The following FNDC1 variants were observed in gnomAD, a reference collection of about 807,000 sequenced individuals.
FNDC1 encodes fibronectin type III domain containing 1.
FNDC1 carries 96 observed loss-of-function variants against 168.0 expected under a neutral mutation model. The ratio of observed to expected loss-of-function variants is 0.57; its 90% CI spans 0.48 to 0.68. The LOEUF (loss-of-function observed/expected upper bound fraction) is 0.68. Among genes scored for constraint, FNDC1 ranks in the 30% least tolerant of loss-of-function variants. The pLI is 0.00. For missense variants in FNDC1, 2,587 were observed against 2,482.1 expected, an observed-to-expected ratio of 1.04 and a Z score of -0.90; for synonymous variants, 1,099 against 1,025.9, an observed-to-expected ratio of 1.07 and a Z score of -1.36.
chr6:159,271,709 C>A lies in FNDC1; in HGVS notation c.*267C>A, dbSNP rs967822364. On this transcript the variant is annotated 3_prime_UTR_variant, in exon 23 of 23. Coordinates refer to ENST00000297267, the MANE Select transcript of FNDC1 (RefSeq NM_032532.3). ...TTGTAATAGCACATCCCAGAGACAT[C>A]AGAAACCAGCAACTGATTCAGTGTG... The A allele has an allele frequency of 6.6e-5, 20 of 303,572 alleles. No individual in the cohort carries two copies. The highest frequency in any genetic ancestry group is 4.1e-4 in the African/African-American group (19 of 45,974). 18.8% of individuals were successfully genotyped at this position (303,572 alleles called of 1,614,324 possible). A position where few individuals can be genotyped will look rare whatever the true frequency, so the allele number is the denominator to read the frequency against.
intron 1 of FNDC1, among the ~76,000 whole-genome samples, chr6:159,193,380 T>A (rs143938287): frequency 6.6e-6 from 1 of 152,186 alleles, no homozygotes; most frequent in Admixed American, 6.5e-5. Flanking sequence ...CTTGTGAGCA[T>A]TTCATGGTCT....
intron 22 of FNDC1, 143 bp downstream of exon 22, chr6:159,268,069 A>C: frequency 1.1e-6 from 1 of 891,448 alleles, no homozygotes; most frequent in Admixed American, 2.8e-5. Flanking sequence ...AAAATAAATA[A>C]AATAAAGAAT....
At chr6:159,171,358 C>T (rs1286275360) in intron 1 of FNDC1, among the ~76,000 whole-genome samples, 1 of 152,176 alleles carries the variant, frequency 6.6e-6, no homozygotes, top group African/African-American at 2.4e-5. Flanking sequence ...GACATAGCAA[C>T]CTGTAGATAG....
In FNDC1 at chr6:159,251,500, G is replaced by T; in HGVS notation, c.5033G>T (p.Trp1678Leu). 1 of 1,613,854 alleles carries T rather than the reference G, an allele frequency of 6.2e-7. No individual in the cohort carries two copies. Among genetic ancestry groups the T allele is most frequent in the Non-Finnish European group, 8.5e-7 (1 of 1,179,854 alleles). Residue 1678 changes from tryptophan to leucine, a missense_variant, in exon 17 of 23, where the codon TGG becomes TTG. Transcript: ENST00000297267. ...TGCCACTCATTTGTCATTGTGGACT[G>T]GGACAAAGCCACCCCAGGAGATGTG... is the stretch of plus-strand genomic sequence containing the variant. Reference protein sequence around the residue: ...EGCHSFVIVDWDKATPGDVVT... With the variant: ...EGCHSFVIVDLDKATPGDVVT...
At chr6:159,251,598 G>C in intron 17 of FNDC1, 66 bp downstream of exon 17, 1 of 1,397,542 alleles carries the variant, frequency 7.2e-7, no homozygotes, top group Non-Finnish European at 9.9e-7. Flanking sequence ...AATAAAGAAT[G>C]GTGGATGAGT....
At chr6:159,262,681 T>C (rs538181581) in intron 19 of FNDC1, among the ~76,000 whole-genome samples, 1 of 152,356 alleles carries the variant, frequency 6.6e-6, no homozygotes, top group East Asian at 1.9e-4. Flanking sequence ...ACGTAACTTC[T>C]GGAGCTGCAA....
chr6:159,169,926 G>A lies in FNDC1; in HGVS notation c.109+221G>A. 1 of 222,204 alleles carries A rather than the reference G, an allele frequency of 4.5e-6. No individual in the cohort carries two copies. Among genetic ancestry groups the A allele is most frequent in the Non-Finnish European group, 8.7e-6 (1 of 115,230 alleles). 13.8% of individuals were successfully genotyped at this position (222,204 alleles called of 1,614,324 possible). ...CGCGCTGGCGTTTAACTTTGCCGTC[G>A]CCCGCCTTGGAGTCGGGAGGCTCCA... On this transcript the variant is annotated intron_variant, in intron 1 of 22. Transcript: ENST00000297267. This position sits in a 1 kb window ranked among gnomAD's most constrained non-coding sequence, Gnocchi z 6.8.
In FNDC1 at chr6:159,205,812, A is replaced by AT. The variant is rs890742164; in HGVS notation, c.460+5239dup. ...ATACTGAACAAATGGCTGTTTTCCT[A>AT]TTTTTTTTACCCTACTTTGAATGTT... On this transcript the variant is annotated intron_variant, in intron 4 of 22. Coordinates refer to ENST00000297267, the MANE Select transcript of FNDC1 (RefSeq NM_032532.3). Among the ~76,000 whole-genome samples, 41 of 152,094 alleles carry AT rather than the reference A, an allele frequency of 2.7e-4. 2 individuals are homozygous for AT. The highest frequency in any genetic ancestry group is 5.8e-4 in the East Asian group (3 of 5,184).
In FNDC1 at chr6:159,232,344, G is replaced by C; in HGVS notation, c.1832G>C (p.Gly611Ala). ...TCCCTGGCCACGCAGCCCCGCCCAGGGGCGCCCCCCTCGGCTTCGGCCTCT... is the reference window on the plus strand; with the variant it reads ...TCCCTGGCCACGCAGCCCCGCCCAGCGGCGCCCCCCTCGGCTTCGGCCTCT... ...GFSLATQPRP[G>A]APPSASASPA... is the part of the protein sequence containing the mutation. Residue 611 changes from glycine to alanine, a missense_variant, in exon 11 of 23, where the codon GGG becomes GCG. Gly to Ala is a moderately conservative substitution (Grantham distance 60). Transcript: ENST00000297267. This position sits in a 1 kb window ranked among gnomAD's most constrained non-coding sequence, Gnocchi z 4.9. 1 of 1,613,542 alleles carries C rather than the reference G, an allele frequency of 6.2e-7. No homozygotes were observed. The highest frequency in any genetic ancestry group is 2.2e-5 in the East Asian group (1 of 44,852).
intron 14 of FNDC1, 67 bp downstream of exon 14, chr6:159,240,024 G>A: frequency 7.2e-7 from 1 of 1,392,964 alleles, no homozygotes; most frequent in Non-Finnish European, 9.5e-7. Context: ...TCAGAGCAGG[G>A]TGGCAGAGCC....
chr6:159,233,918 G>C lies in FNDC1; in HGVS notation c.3406G>C (p.Ala1136Pro). The change falls in exon 11 of 23, where the codon GCC (alanine) becomes CCC (proline). Residue 1136 changes from alanine (A) to proline (P), a missense_variant. Ala to Pro is a conservative substitution (Grantham distance 27). Transcript: ENST00000297267. The surrounding 1 kb of genome is among the most constrained non-coding windows in gnomAD (Gnocchi z 4.6). ...RSQRGHAASPARPSRPGGPQS... is the reference protein window; with the variant it reads ...RSQRGHAASPPRPSRPGGPQS... The stretch of plus-strand genomic sequence containing the variant: ...CCAGCGCGGACATGCGGCCTCCCCC[G>C]CCAGGCCCAGCCGACCCGGCGGCCC... The C allele has an allele frequency of 6.5e-7, 1 of 1,548,840 alleles. No homozygotes were observed. The highest frequency in any genetic ancestry group is 2.4e-5 in the East Asian group (1 of 41,126).
At chr6:159,241,671 C>T (rs1783424139) in intron 14 of FNDC1, among the ~76,000 whole-genome samples, 1 of 152,120 alleles carries the variant, frequency 6.6e-6, no homozygotes, top group African/African-American at 2.4e-5. Flanking sequence ...TCCATATGCC[C>T]TTTCTTATTT....
chr6:159,268,797 TATCTATCTATTC>T (rs955731243), intron 22 of FNDC1, among the ~76,000 whole-genome samples: 5 of 151,878 alleles, frequency 3.3e-5, no homozygotes, highest in African/African-American at 9.7e-5. Context: ...TGTATGTGTG[TATCTATCTATTC>T]ATCTATCTAT....
chr6:159,239,527 G>T lies in FNDC1; in HGVS notation c.4191G>T (p.Gly1397=), dbSNP rs1336004336. The T allele has an allele frequency of 6.3e-7, 1 of 1,589,480 alleles. No homozygotes were observed. Among genetic ancestry groups the T allele is most frequent in the South Asian group, 1.1e-5 (1 of 88,432 alleles). The change falls in exon 14 of 23, where the codon GGG becomes GGT. Residue 1397 remains glycine, a synonymous_variant. Transcript: ENST00000297267. ...GDGRTIVDLE[G]TPVVSPDGLP... ...TTGATTTTGTTTCAGATCTGGAAGG[G>T]ACCCCCGTGGTGAGTCCTGACGGCC... is the stretch of plus-strand genomic sequence containing the variant.
At chr6:159,179,751 C>T (rs925463963) in intron 1 of FNDC1, among the ~76,000 whole-genome samples, 7 of 152,206 alleles carry the variant, frequency 4.6e-5, no homozygotes, top group Non-Finnish European at 7.3e-5. Context: ...CTATAGCCTC[C>T]GTGTCTAGAA....
chr6:159,221,497 G>A (rs973545518), intron 5 of FNDC1, 101 bp from the exon 6 acceptor site: 4 of 884,774 alleles, frequency 4.5e-6, no homozygotes, highest in Non-Finnish European at 5.6e-6. Context: ...CGGAAAAAGG[G>A]GAAGGGGAGG....
intron 4 of FNDC1, among the ~76,000 whole-genome samples, chr6:159,207,283 A>G (rs1280967212): frequency 6.6e-6 from 1 of 152,136 alleles, no homozygotes; most frequent in Non-Finnish European, 1.5e-5. Flanking sequence ...TGCTTATTTC[A>G]GAGGCTGATG....
In FNDC1 at chr6:159,233,002, G is replaced by A. The variant is rs756090540; in HGVS notation, c.2490G>A (p.Arg830=). ...LRHKPFAANG[R]SPSRFSIGRG... is the part of the protein sequence containing the mutation. ...ACAAACCCTTTGCTGCCAACGGGAG[G>A]TCTCCAAGCAGGTTCAGCATTGGGC... is the stretch of plus-strand genomic sequence containing the variant. The change falls in exon 11 of 23, where the codon AGG becomes AGA. Residue 830 remains arginine (R), a synonymous_variant. Coordinates refer to ENST00000297267, the MANE Select transcript of FNDC1 (RefSeq NM_032532.3). This position sits in a 1 kb window ranked among gnomAD's most constrained non-coding sequence, Gnocchi z 4.6. 6.8e-6 allele frequency: 11 copies of A among 1,612,614 alleles called. No individual in the cohort carries two copies. Among genetic ancestry groups the A allele is most frequent in the African/African-American group, 2.7e-5 (2 of 75,030 alleles).
intron 18 of FNDC1, 134 bp from the exon 19 acceptor site, chr6:159,261,056 A>G (rs1008750234): frequency 3.2e-6 from 2 of 631,700 alleles, no homozygotes; most frequent in African/African-American, 1.9e-5. Context: ...AAGAATCACT[A>G]GTGCTGTATG....
Sources: allele counts gnomAD v4.1 joint callset (sites outside exome capture counted in the v4.1 genomes callset), GRCh38; gene constraint gnomAD v4.1.1; non-coding constraint Gnocchi (gnomAD v3.1); transcripts MANE v1.5; gene names NCBI Gene and HGNC (gene_info 2026-07-23, HGNC 2026-07-21).